Variants in NELL1 observed in about 807,000 individuals in gnomAD.
NELL1 encodes neural EGFL like 1.
NELL1 carries 76 observed loss-of-function variants against 107.4 expected under a neutral mutation model. The observed-to-expected ratio is 0.71, with a 90% CI of 0.59 to 0.86. NELL1 has a LOEUF of 0.86. NELL1 is among the 40% of genes least tolerant of loss of function. The pLI is 0.00. For missense variants in NELL1, 1,024 were observed against 1,005.5 expected (o/e 1.02, Z -0.25); for synonymous variants, 353 against 341.2 (o/e 1.03, Z -0.38).
intron 7 of NELL1, among the ~76,000 whole-genome samples, chr11:20,919,749 G>C (rs1408685610): frequency 6.6e-6 from 1 of 152,092 alleles, no homozygotes; most frequent in African/African-American, 2.4e-5. Context: ...GTTAGGAACA[G>C]ATTACTGTCA....
intron 12 of NELL1, among the ~76,000 whole-genome samples, chr11:21,007,357 A>G (rs1334945049): frequency 6.6e-6 from 1 of 151,436 alleles, no homozygotes; most frequent in African/African-American, 2.4e-5. Flanking sequence ...GGCATTCACA[A>G]CCAATGTGTA....
rs1021282447 is a variant in NELL1 at position 20,947,435 on chromosome 11, G to C, written c.1171G>C (p.Gly391Arg). ...GAATCAGTGCTGCCGTGTCTGTAGAGGTAAGTGGGCTTGGTGGTGGGCCAT... is the reference window on the plus strand; with the variant it reads ...GAATCAGTGCTGCCGTGTCTGTAGACGTAAGTGGGCTTGGTGGTGGGCCAT... Reference protein sequence around the residue: ...PENQCCRVCRGHNFCAEGPKC... With the variant: ...PENQCCRVCRRHNFCAEGPKC... The change falls in exon 11 of 20, where the codon GGT becomes CGT. Residue 391 changes from glycine to arginine, a missense_variant and splice_region_variant. Gly to Arg is a moderately radical substitution (Grantham distance 125). Transcript: ENST00000357134. 1 of 1,613,416 alleles carries C rather than the reference G, an allele frequency of 6.2e-7. No homozygotes were observed.
At chr11:20,806,973 C>T (rs1857397826) in intron 3 of NELL1, among the ~76,000 whole-genome samples, 1 of 152,056 alleles carries the variant, frequency 6.6e-6, no homozygotes, top group Non-Finnish European at 1.5e-5. Flanking sequence ...CTTTGACTTT[C>T]CTTAAAACAA....
chr11:21,007,388 G>GACACACAC (rs66809505), intron 12 of NELL1, among the ~76,000 whole-genome samples: 1 of 149,136 alleles, frequency 6.7e-6, no homozygotes, highest in Non-Finnish European at 1.5e-5. Context: ...CACACACACA[G>GACACACAC]ACACACACAC....
At chr11:20,791,086 G>A (rs1857064644) in intron 3 of NELL1, among the ~76,000 whole-genome samples, 1 of 152,090 alleles carries the variant, frequency 6.6e-6, no homozygotes, top group South Asian at 2.1e-4. Flanking sequence ...TGAATTTTAG[G>A]ACCAGCTTGT....
chr11:21,248,734 T>C (rs927425612), intron 14 of NELL1, among the ~76,000 whole-genome samples: 2 of 152,186 alleles, frequency 1.3e-5, no homozygotes, highest in Admixed American at 1.3e-4. Context: ...TTTCAGTCCA[T>C]ATGGATTTAG....
chr11:21,497,249 A>G (rs1855005942), intron 15 of NELL1, among the ~76,000 whole-genome samples: 1 of 151,986 alleles, frequency 6.6e-6, no homozygotes, highest in Non-Finnish European at 1.5e-5. Context: ...TGGCACATGT[A>G]TACATATGTA....
At chr11:20,962,992 C>T (rs1407908110) in intron 12 of NELL1, among the ~76,000 whole-genome samples, 1 of 152,106 alleles carries the variant, frequency 6.6e-6, no homozygotes, top group East Asian at 1.9e-4. Flanking sequence ...GGCTGGGAGG[C>T]ACAGAGAACC....
At chr11:20,948,471 A>C (rs1352886969) in intron 11 of NELL1, among the ~76,000 whole-genome samples, 8 of 152,120 alleles carry the variant, frequency 5.3e-5, no homozygotes, top group African/African-American at 1.9e-4. Context: ...CCATCACCTC[A>C]AAATTGATCT....
chr11:20,861,578 G>T (rs2134074176), intron 4 of NELL1, among the ~76,000 whole-genome samples: 1 of 152,338 alleles, frequency 6.6e-6, no homozygotes, highest in East Asian at 1.9e-4. Flanking sequence ...CAGCTGCATA[G>T]CTAGGTGAGA....
rs990408375 is a variant in NELL1, at chr11:21,513,437, A to C, written c.1646-20937A>C. Among the ~76,000 whole-genome samples the C allele has an allele frequency of 2.0e-5, 3 of 152,166 alleles. No homozygotes were observed. The South Asian group carries it at 6.2e-4, about 31-fold the overall frequency. ...CATTGGTGGCTTGATATCAGAAAAA[A>C]ATACTTTTGCCAGACTATAATAACT... On this transcript the variant is annotated intron_variant, in intron 15 of 19. Coordinates refer to ENST00000357134, the MANE Select transcript of NELL1 (RefSeq NM_006157.5).
At chr11:21,165,758 C>CTTT (rs34509347) in intron 13 of NELL1, among the ~76,000 whole-genome samples, 103 of 98,490 alleles carry the variant, frequency 1.0e-3, no homozygotes, top group Non-Finnish European at 1.3e-3. Flanking sequence ...ACAATGAGAT[C>CTTT]TTTTTTTTTT....
intron 15 of NELL1, among the ~76,000 whole-genome samples, chr11:21,373,305 T>A (rs1373583086): frequency 2.0e-5 from 3 of 152,116 alleles, no homozygotes; most frequent in African/African-American, 7.2e-5. Flanking sequence ...TTTGTCATGT[T>A]GATCATTAGC....
chr11:21,370,658 A>C (rs1299118660), intron 14 of NELL1, among the ~76,000 whole-genome samples, 195 bp from the exon 15 acceptor site: 1 of 152,074 alleles, frequency 6.6e-6, no homozygotes. Flanking sequence ...CTGTTATTTC[A>C]GTTGATTTCA....
At chr11:21,037,017 T>C (rs1853108972) in intron 12 of NELL1, among the ~76,000 whole-genome samples, 1 of 152,026 alleles carries the variant, frequency 6.6e-6, no homozygotes, top group African/African-American at 2.4e-5. Context: ...TTTTGGATTG[T>C]GAACTTATTT....
chr11:20,938,005 T>C (rs2134185784), intron 10 of NELL1, 146 bp downstream of exon 10: 4 of 703,648 alleles, frequency 5.7e-6, no homozygotes, highest in African/African-American at 1.8e-5. Flanking sequence ...GATTACATGA[T>C]GGCGAGGATC....
intron 3 of NELL1, among the ~76,000 whole-genome samples, chr11:20,845,520 T>TCA (rs77762772): frequency 2.2e-3 from 335 of 152,306 alleles, no homozygotes; most frequent in Non-Finnish European, 3.5e-3. Flanking sequence ...AGTAAAGTAA[T>TCA]TGAGAGATTT....
intron 15 of NELL1, among the ~76,000 whole-genome samples, chr11:21,487,731 T>A (rs1854674750): frequency 6.6e-6 from 1 of 152,114 alleles, no homozygotes; most frequent in South Asian, 2.1e-4. Context: ...ATATATAGAT[T>A]GGCTGAATGG....
At chr11:20,777,043 G>A (rs558687610) in intron 2 of NELL1, among the ~76,000 whole-genome samples, 1 of 152,340 alleles carries the variant, frequency 6.6e-6, no homozygotes, top group Non-Finnish European at 1.5e-5. Context: ...GGCACTGGGT[G>A]TATCATGGTG....
Sources: allele counts gnomAD v4.1 joint callset (sites outside exome capture counted in the v4.1 genomes callset), GRCh38; gene constraint gnomAD v4.1.1; transcripts MANE v1.5; gene names NCBI Gene and HGNC (gene_info 2026-07-23, HGNC 2026-07-21).